Variants in MAD1L1 observed in about 807,000 individuals in gnomAD.
MAD1L1 encodes the protein mitotic spindle assembly checkpoint protein MAD1.
Under a neutral mutation model 96.9 loss-of-function variants are expected in MAD1L1, and 95 were observed. That is an observed-to-expected ratio of 0.98 (90% confidence interval 0.83 to 1.16). MAD1L1 has a LOEUF of 1.16. MAD1L1 is among the 50% of genes most tolerant of loss of function. MAD1L1 has a pLI of 0.00. For missense variants in MAD1L1, 1,007 were observed against 954.4 expected (o/e 1.06, Z -0.73); for synonymous variants, 473 against 396.6 (o/e 1.19, Z -2.29).
chr7:2,011,296 AG>A (rs968624517), intron 13 of MAD1L1, among the ~76,000 whole-genome samples: 59 of 152,304 alleles, frequency 3.9e-4, no homozygotes, highest in Non-Finnish European at 6.2e-4. Flanking sequence ...CTGTGCACAG[AG>A]GGTGCAGCCA....
chr7:2,134,390 C>A (rs1454172594), intron 11 of MAD1L1, among the ~76,000 whole-genome samples: 1 of 152,184 alleles, frequency 6.6e-6, no homozygotes, highest in Non-Finnish European at 1.5e-5. Context: ...TTTGTTAGTT[C>A]TCAGAATTTT....
intron 3 of MAD1L1, among the ~76,000 whole-genome samples, chr7:2,226,931 G>T (rs1310816925): frequency 1.3e-5 from 2 of 151,640 alleles, no homozygotes; most frequent in Non-Finnish European, 1.5e-5. Flanking sequence ...AGGTTGCAGT[G>T]AGCCAAGATC....
At chr7:2,048,263 A>G (rs577403402) in intron 12 of MAD1L1, among the ~76,000 whole-genome samples, 9 of 152,346 alleles carry the variant, frequency 5.9e-5, no homozygotes, top group African/African-American at 2.2e-4. Context: ...GTAGGTGTAG[A>G]GGGACTCGGA....
At chr7:1,930,729 A>G (rs1193594043) in intron 17 of MAD1L1, among the ~76,000 whole-genome samples, 1 of 149,000 alleles carries the variant, frequency 6.7e-6, no homozygotes, top group East Asian at 2.0e-4. Flanking sequence ...GTGTGAGGGG[A>G]CTCCCCTGGG....
intron 17 of MAD1L1, among the ~76,000 whole-genome samples, chr7:1,900,103 C>T (rs759806813): frequency 1.5e-4 from 23 of 152,186 alleles, no homozygotes; most frequent in Non-Finnish European, 3.1e-4. Context: ...CCCCCGATGG[C>T]GTGAGCTCAG....
At chr7:1,915,180 G>T (rs1463780378) in intron 17 of MAD1L1, among the ~76,000 whole-genome samples, 1 of 152,198 alleles carries the variant, frequency 6.6e-6, no homozygotes, top group African/African-American at 2.4e-5. Context: ...AGGACACAGT[G>T]TGTATGGAGA....
chr7:1,823,958 G>A (rs1483154923), intron 18 of MAD1L1, among the ~76,000 whole-genome samples: 2 of 152,204 alleles, frequency 1.3e-5, no homozygotes, highest in Non-Finnish European at 2.9e-5. Flanking sequence ...TGTGGGGAGA[G>A]GAAAGGAGCC....
chr7:1,889,559 G>A (rs1786405751), intron 18 of MAD1L1, among the ~76,000 whole-genome samples: 1 of 143,948 alleles, frequency 6.9e-6, no homozygotes, highest in Non-Finnish European at 1.6e-5. Context: ...CTCCCCAAGT[G>A]GAGCTGCCCC....
At chr7:2,050,215 G>C (rs1784110627) in intron 12 of MAD1L1, among the ~76,000 whole-genome samples, 1 of 151,752 alleles carries the variant, frequency 6.6e-6, no homozygotes, top group Non-Finnish European at 1.5e-5. Flanking sequence ...ACGTTCACGG[G>C]GCACCTCACC....
chr7:1,902,923 C>G lies in MAD1L1; in HGVS notation c.1808-4533G>C, dbSNP rs559511906. 2.7e-5 allele frequency among the ~76,000 whole-genome samples: 4 copies of G among 150,430 alleles called. 1 individual carries two copies. The highest frequency in any genetic ancestry group is 2.0e-4 in the Admixed American group (3 of 15,078). ...GATGCAGTGGCCTATGGAAGACGTT[C>G]TTGTGGAACTCATGATTGATGAAGC... On this transcript the variant is annotated intron_variant, in intron 17 of 18. Coordinates refer to ENST00000265854, the MANE Select transcript of MAD1L1 (RefSeq NM_001013836.2).
intron 11 of MAD1L1, among the ~76,000 whole-genome samples, chr7:2,102,480 A>G (rs1786858817): frequency 9.8e-6 from 1 of 101,612 alleles, no homozygotes; most frequent in African/African-American, 3.5e-5. Context: ...TGCTACTGTC[A>G]CCACTCACCA....
intron 12 of MAD1L1, among the ~76,000 whole-genome samples, chr7:2,029,540 T>A (rs1783126690): frequency 6.6e-6 from 1 of 152,196 alleles, no homozygotes; most frequent in African/African-American, 2.4e-5. Flanking sequence ...TCTGTATGTC[T>A]GTTATGCTCT....
intron 11 of MAD1L1, among the ~76,000 whole-genome samples, chr7:2,113,679 G>A (rs1787502406): frequency 6.6e-6 from 1 of 152,198 alleles, no homozygotes; most frequent in Non-Finnish European, 1.5e-5. Context: ...TGCATTTAGG[G>A]AGGCCTTCGC....
At chr7:1,997,029 G>A (rs1781590779) in intron 14 of MAD1L1, among the ~76,000 whole-genome samples, 1 of 152,126 alleles carries the variant, frequency 6.6e-6, no homozygotes, top group Non-Finnish European at 1.5e-5. Context: ...CTAATGATAC[G>A]ACGATGGCCC....
At chr7:1,896,686 G>C (rs544240471) in intron 18 of MAD1L1, among the ~76,000 whole-genome samples, 3 of 152,270 alleles carry the variant, frequency 2.0e-5, no homozygotes, top group African/African-American at 7.2e-5. Flanking sequence ...TTGGATTTTC[G>C]ACACTCTCAA....
chr7:2,008,624 C>G (rs1339090273), intron 13 of MAD1L1, among the ~76,000 whole-genome samples: 1 of 152,216 alleles, frequency 6.6e-6, no homozygotes, highest in Non-Finnish European at 1.5e-5. Context: ...GATGCCAAGC[C>G]TGCTCGCAGG....
At chr7:1,953,743 C>T (rs1461681611) in intron 16 of MAD1L1, among the ~76,000 whole-genome samples, 1 of 152,230 alleles carries the variant, frequency 6.6e-6, no homozygotes, top group Admixed American at 6.5e-5. Context: ...CCCTCAACTT[C>T]ACAACGTATC....
intron 10 of MAD1L1, among the ~76,000 whole-genome samples, chr7:2,197,443 T>C (rs1417955082): frequency 1.3e-5 from 2 of 152,072 alleles, no homozygotes; most frequent in African/African-American, 4.8e-5. Flanking sequence ...TCTGGAGGCT[T>C]CTAGCCTCTC....
intron 10 of MAD1L1, among the ~76,000 whole-genome samples, chr7:2,195,395 T>C (rs1791933770): frequency 6.6e-6 from 1 of 152,194 alleles, no homozygotes; most frequent in African/African-American, 2.4e-5. Flanking sequence ...GAGACCTAAT[T>C]GCAGTAAACG....
Sources: allele counts gnomAD v4.1 joint callset (sites outside exome capture counted in the v4.1 genomes callset), GRCh38; gene constraint gnomAD v4.1.1; transcripts MANE v1.5; gene names NCBI Gene and HGNC (gene_info 2026-07-23, HGNC 2026-07-21).